ZNF518A: variants seen among roughly 807,000 people sequenced by gnomAD.
ZNF518A encodes zinc finger protein 518.
In ZNF518A, 47 loss-of-function variants were observed where a neutral mutation model predicts 102.7. That is an observed-to-expected ratio of 0.46 (90% CI 0.36 to 0.58). The LOEUF is 0.58. Among genes scored for constraint, ZNF518A ranks in the 20% least tolerant of loss-of-function variants. The probability of loss-of-function intolerance (pLI) is 0.00; values close to 1 mark genes in which losing one functional copy is unlikely to be tolerated. For synonymous variants in ZNF518A, 652 were observed against 594.6 expected (o/e 1.10, Z -1.40); for missense variants, 1,793 against 1,699.8 (o/e 1.05, Z -0.96).
chr10:96,158,914 A>C lies in ZNF518A; in HGVS notation c.2592A>C (p.Gln864His). The C allele has an allele frequency of 6.2e-7, 1 of 1,613,720 alleles. No individual in the cohort carries two copies. The highest frequency in any genetic ancestry group is 8.5e-7 in the Non-Finnish European group (1 of 1,179,716). Residue 864 changes from glutamine to histidine, a missense_variant, in exon 6 of 6, where the codon CAA (glutamine) becomes CAC (histidine). Transcript: ENST00000316045. ...ATTTGAAATTTGGAAAAGAAAAACAAGTGTCATCAATACCACAAGATGTGA... is the reference window on the plus strand; with the variant it reads ...ATTTGAAATTTGGAAAAGAAAAACACGTGTCATCAATACCACAAGATGTGA... Reference protein sequence around the residue: ...DLNLKFGKEKQVSSIPQDVRD... With the variant: ...DLNLKFGKEKHVSSIPQDVRD...
At chr10:96,165,384 G>A (rs1696232507), downstream of ZNF518A, among the ~76,000 whole-genome samples, 1 of 150,696 alleles carries the variant, frequency 6.6e-6, no homozygotes, top group South Asian at 2.1e-4. Context: ...TGGGATTATA[G>A]GCATGAGCCA....
intron 1 of ZNF518A, among the ~76,000 whole-genome samples, chr10:96,202,600 A>C (rs2083674027): frequency 6.6e-6 from 1 of 152,166 alleles, no homozygotes. Flanking sequence ...GAAGGCAGCC[A>C]CCATTGTAAG....
downstream of ZNF518A, chr10:96,205,153 T>C (rs1469156813): frequency 6.3e-6 from 1 of 159,752 alleles, no homozygotes; most frequent in Non-Finnish European, 1.4e-5. Context: ...TAAATCTCAC[T>C]TGCATTTCAG....
At chr10:96,191,728 G>T in intron 1 of ZNF518A, 11 of 361,818 alleles carry the variant, frequency 3.0e-5, no homozygotes, top group South Asian at 8.1e-5. Context: ...TATTTATTTG[G>T]AAAATATTAG....
At chr10:96,134,291 C>T (rs587634167) in intron 3 of ZNF518A, among the ~76,000 whole-genome samples, 1 of 152,284 alleles carries the variant, frequency 6.6e-6, no homozygotes, top group East Asian at 1.9e-4. Context: ...AGTGCAGTGG[C>T]GCGATCTCGG....
chr10:96,194,090 G>C (rs1291591246), intron 1 of ZNF518A, among the ~76,000 whole-genome samples: 1 of 152,170 alleles, frequency 6.6e-6, no homozygotes, highest in Non-Finnish European at 1.5e-5. Context: ...AGATTCATCA[G>C]GCCAAGAGGA....
chr10:96,198,768 G>A (rs782460515), intron 1 of ZNF518A, among the ~76,000 whole-genome samples: 3 of 152,132 alleles, frequency 2.0e-5, no homozygotes, highest in South Asian at 4.1e-4. Context: ...GCATGATCTC[G>A]GCTCACTGCA....
intron 3 of ZNF518A, among the ~76,000 whole-genome samples, chr10:96,140,554 CCTTTT>C (rs1281868828): frequency 2.0e-5 from 3 of 152,058 alleles, no homozygotes; most frequent in Non-Finnish European, 4.4e-5. Flanking sequence ...GAAAATAATT[CCTTTT>C]CTATACTGAA....
Position 96,158,378 on chromosome 10 carries a change from G to C in ZNF518A, c.2056G>C (p.Val686Leu). The change falls in exon 6 of 6, where the codon GTG (valine) becomes CTG (leucine). Residue 686 changes from valine (V) to leucine (L), a missense_variant. By Grantham distance (32) the Val-to-Leu change is conservative. Around this residue, in one of 3 missense-constraint regions of ZNF518A, gnomAD observed 1,741 missense variants for 1,622.6 expected, o/e 1.07. Coordinates refer to ENST00000316045, the MANE Select transcript of ZNF518A (RefSeq NM_001330736.2). The part of the protein sequence containing the change: ...QPISESFLSL[V>L]RQESSKPDSL... ...AATTAGTGAATCATTTTTATCACTA[G>C]TGAGGCAGGAGAGCTCAAAACCAGA... 6.2e-7 allele frequency: 1 copy of C among 1,613,670 alleles called. No individual in the cohort carries two copies. The highest frequency in any genetic ancestry group is 8.5e-7 in the Non-Finnish European group (1 of 1,179,748).
At chr10:96,154,533 A>T (rs1554881534) in intron 3 of ZNF518A, among the ~76,000 whole-genome samples, 1 of 151,322 alleles carries the variant, frequency 6.6e-6, no homozygotes, top group African/African-American at 2.4e-5. Context: ...TAGAGCCTTC[A>T]ATTAGTGTCT....
chr10:96,145,018 CAT>C (rs1234704330), intron 3 of ZNF518A, among the ~76,000 whole-genome samples: 19 of 152,122 alleles, frequency 1.2e-4, no homozygotes, highest in African/African-American at 3.9e-4. Context: ...GATCAGGAAA[CAT>C]ATTAGTTGAA....
rs782542989 is a variant in ZNF518A at position 96,159,983 on chromosome 10, C to G, written c.3661C>G (p.Pro1221Ala). Residue 1221 changes from proline to alanine, a missense_variant, in exon 6 of 6, where the codon CCA (proline) becomes GCA (alanine). Coordinates refer to ENST00000316045, the MANE Select transcript of ZNF518A (RefSeq NM_001330736.2). ...AACATGCCCAGAATCTTCTGAGGAACCAATATGTGTCAGTGACTGTTCAGA... is the reference window on the plus strand; with the variant it reads ...AACATGCCCAGAATCTTCTGAGGAAGCAATATGTGTCAGTGACTGTTCAGA... ...TATCPESSEE[P>A]ICVSDCSESR... 1.9e-5 allele frequency: 31 copies of G among 1,613,312 alleles called. No homozygotes were observed. The highest frequency in any genetic ancestry group is 2.5e-5 in the Non-Finnish European group (29 of 1,179,678).
At chr10:96,173,913 C>T (rs184200749) in intron 1 of ZNF518A, among the ~76,000 whole-genome samples, 42 of 152,180 alleles carry the variant, frequency 2.8e-4, no homozygotes, top group African/African-American at 9.4e-4. Flanking sequence ...AAAGTGTGTT[C>T]TCCAACCACA....
exon 3 of ZNF518A, chr10:96,203,955 G>A (rs1001496981): frequency 1.5e-5 from 14 of 908,480 alleles, no homozygotes; most frequent in East Asian, 4.9e-5. Context: ...CCAGGATAAC[G>A]CAGCTGGAAG....
At chr10:96,191,467 C>T (rs2083328813) in intron 1 of ZNF518A, among the ~76,000 whole-genome samples, 1 of 151,900 alleles carries the variant, frequency 6.6e-6, no homozygotes, top group Non-Finnish European at 1.5e-5. Context: ...TGAGAGTGCT[C>T]ACAAAAAGGA....
intron 3 of ZNF518A, chr10:96,135,317 T>C (rs1490268182): frequency 6.6e-6 from 1 of 152,188 alleles, no homozygotes; most frequent in Non-Finnish European, 1.5e-5. Context: ...TTCTTTTGAT[T>C]TTGTGAACTA....
downstream of ZNF518A, chr10:96,204,523 G>C (rs782684052): frequency 4.6e-5 from 74 of 1,613,450 alleles, 1 homozygote; most frequent in East Asian, 9.4e-4. Flanking sequence ...TAAAGGAAAG[G>C]ATTCTTACTT....
downstream of ZNF518A, among the ~76,000 whole-genome samples, chr10:96,168,564 A>G (rs1332769010): frequency 4.0e-5 from 6 of 150,788 alleles, no homozygotes; most frequent in Admixed American, 6.6e-5. Context: ...GCTTTTGTCT[A>G]TCTATGAATA....
Position 96,162,159 on chromosome 10 carries a change from GTC to G in ZNF518A, c.*1387_*1388del, listed in dbSNP as rs1211002353. 2 of 166,824 alleles carry G rather than the reference GTC, an allele frequency of 1.2e-5. No individual in the cohort carries two copies. The highest frequency in any genetic ancestry group is 2.9e-5 in the Non-Finnish European group (2 of 68,026). The allele number at this position is 166,824 out of a possible 1,614,324, so 10.3% of individuals were successfully genotyped here. On this transcript the variant is annotated 3_prime_UTR_variant, in exon 6 of 6. Transcript: ENST00000316045. Reference sequence around the variant, plus strand: ...TTCTTTTCTGTATATAACAAATTAAGTCTGTACATATTTTTGTACCTTTTATG... The same window carrying G: ...TTCTTTTCTGTATATAACAAATTAAGTGTACATATTTTTGTACCTTTTATG...
Sources: allele counts gnomAD v4.1 joint callset (sites outside exome capture counted in the v4.1 genomes callset), GRCh38; gene constraint gnomAD v4.1.1; regional missense constraint gnomAD v4.1.1; transcripts MANE v1.5; gene names NCBI Gene and HGNC (gene_info 2026-07-23, HGNC 2026-07-21).